DACH2: variants seen among roughly 807,000 people sequenced by gnomAD.
DACH2 encodes the protein dachshund family transcription factor 2, also known as dachshund homolog 2.
A neutral mutation model predicts 35.8 loss-of-function variants in DACH2; 17 were observed. That is an observed-to-expected ratio of 0.48 (90% CI 0.33 to 0.71). The LOEUF (loss-of-function observed/expected upper bound fraction) is 0.71, where lower values mean the gene tolerates loss of function less well. Among genes scored for constraint, DACH2 ranks in the 30% least tolerant of loss-of-function variants. The probability of loss-of-function intolerance (pLI) is 0.02; values close to 1 mark genes in which losing one functional copy is unlikely to be tolerated. For synonymous variants in DACH2, 195 were observed against 177.3 expected (o/e 1.10, Z -0.79); for missense variants, 469 against 472.7 (o/e 0.99, Z 0.07).
intron 1 of DACH2, among the ~76,000 whole-genome samples, chrX:86,196,217 C>A (rs976570325): frequency 5.4e-5 from 6 of 111,295 alleles, no homozygotes; most frequent in Admixed American, 1.9e-4. Flanking sequence ...AGCTGACAGA[C>A]AAAATAGGCA....
At chrX:86,419,684 AG>A (rs2036769095) in intron 2 of DACH2, among the ~76,000 whole-genome samples, 1 of 111,998 alleles carries the variant, frequency 8.9e-6, no homozygotes, top group Admixed American at 9.5e-5. Flanking sequence ...TTTGTGATGT[AG>A]AATGTGAATT....
intron 1 of DACH2, among the ~76,000 whole-genome samples, chrX:86,230,195 C>T (rs183566838): frequency 2.3e-4 from 26 of 110,716 alleles, no homozygotes; most frequent in African/African-American, 8.5e-4. Flanking sequence ...TTGTCGAATG[C>T]TTTTTCTGCA....
chrX:86,632,499 C>CAT (rs2040213543), intron 3 of DACH2, among the ~76,000 whole-genome samples: 1 of 91,179 alleles, frequency 1.1e-5, no homozygotes, highest in Non-Finnish European at 2.3e-5. Context: ...CACATGCACA[C>CAT]ACACACACAC....
At chrX:86,415,739 C>A (rs1343646606) in intron 2 of DACH2, among the ~76,000 whole-genome samples, 8 of 112,048 alleles carry the variant, frequency 7.1e-5, no homozygotes, top group Non-Finnish European at 1.9e-5. Flanking sequence ...GGAGAAAATA[C>A]ATGGCTCTCA....
chrX:86,532,379 G>C (rs1400376385), intron 3 of DACH2, among the ~76,000 whole-genome samples: 4 of 111,349 alleles, frequency 3.6e-5, no homozygotes, highest in Non-Finnish European at 7.5e-5. Context: ...TGTCAGAGAA[G>C]GGGCCTGGTG....
intron 3 of DACH2, among the ~76,000 whole-genome samples, chrX:86,617,930 A>G (rs1475237722): frequency 8.9e-6 from 1 of 112,379 alleles, no homozygotes; most frequent in Non-Finnish European, 1.9e-5. Flanking sequence ...TGAGATAGCA[A>G]CTTTTAGTTC....
At chrX:86,596,107 G>A (rs2039708166) in intron 3 of DACH2, among the ~76,000 whole-genome samples, 1 of 111,630 alleles carries the variant, frequency 9.0e-6, no homozygotes, top group Non-Finnish European at 1.9e-5. Context: ...TCTTTTCTAT[G>A]GCTGAATAAT....
intron 1 of DACH2, among the ~76,000 whole-genome samples, chrX:86,307,684 G>T (rs1008221548): frequency 9.0e-6 from 1 of 111,262 alleles, no homozygotes; most frequent in African/African-American, 3.3e-5. Context: ...CAACACCTCT[G>T]TTTGCTTCTA....
At chrX:86,181,053 A>G (rs1385857257) in intron 1 of DACH2, among the ~76,000 whole-genome samples, 1 of 110,607 alleles carries the variant, frequency 9.0e-6, no homozygotes, top group African/African-American at 3.3e-5. Context: ...TAACATGATT[A>G]TTACATTTCC....
chrX:86,149,104 GCCA>G lies in DACH2; in HGVS notation c.485_487del (p.Ala162_Arg163delinsGly). ...AACTTTGTTCACCGATTGCACCAAT[GCCA>G]GGTGAGACACTCGTTTCTTGGCTCT... On this transcript the variant is annotated inframe_deletion and splice_region_variant, in exon 1 of 12. Transcript: ENST00000373125. The G allele has an allele frequency of 3.4e-6, 4 of 1,176,468 alleles. No homozygotes were observed. The highest frequency in any genetic ancestry group is 4.6e-6 in the Non-Finnish European group (4 of 876,260).
At chrX:86,554,650 C>T (rs762003929) in intron 3 of DACH2, among the ~76,000 whole-genome samples, 2 of 111,451 alleles carry the variant, frequency 1.8e-5, no homozygotes, top group East Asian at 5.7e-4. Context: ...AATATGATGC[C>T]ATAGAATGAG....
intron 1 of DACH2, among the ~76,000 whole-genome samples, chrX:86,155,964 A>T (rs897977508): frequency 9.0e-6 from 1 of 111,147 alleles, no homozygotes; most frequent in Non-Finnish European, 1.9e-5. Context: ...TCAATAAATT[A>T]TGGAAAATAG....
chrX:86,739,617 A>T, intron 6 of DACH2, 130 bp from the exon 7 acceptor site: 1 of 708,264 alleles, frequency 1.4e-6, no homozygotes, highest in Non-Finnish European at 2.0e-6. Flanking sequence ...ATATGTATTT[A>T]AGACCAATTA....
At chrX:86,697,470 G>GA (rs748588940) in intron 5 of DACH2, among the ~76,000 whole-genome samples, 3 of 109,900 alleles carry the variant, frequency 2.7e-5, no homozygotes, top group East Asian at 2.9e-4. Context: ...GGCTTTAAAC[G>GA]AAAAAAAATG....
Position 86,370,887 on chromosome X carries a change from C to T in DACH2, c.489-5937C>T, listed in dbSNP as rs148004528. On this transcript the variant is annotated intron_variant, in intron 1 of 11. Transcript: ENST00000373125. ...TTAATGGGCATCATGCTTGATGGTACATATATTCATATATCACACATGTTG... is the reference window on the plus strand; with the variant it reads ...TTAATGGGCATCATGCTTGATGGTATATATATTCATATATCACACATGTTG... 2.4e-3 allele frequency among the ~76,000 whole-genome samples: 265 copies of T among 111,131 alleles called. 1 individual carries two copies. Among genetic ancestry groups the T allele is most frequent in the Non-Finnish European group, 4.2e-3 (223 of 52,853 alleles).
In DACH2 at chrX:86,404,822, C is replaced by A. The variant is rs139555470; in HGVS notation, c.527+27960C>A. ...GGTCTCCATGAGGGTTCCATCCCTG[C>A]GTAGACTTCTGCCTGGATATCCAGG... On this transcript the variant is annotated intron_variant, in intron 2 of 11. Transcript: ENST00000373125. Among the ~76,000 whole-genome samples the A allele has an allele frequency of 2.0e-4, 22 of 112,312 alleles. No homozygotes were observed. In the East Asian group the frequency reaches 6.2e-3, roughly 32 times the overall value.
At chrX:86,795,016 G>A (rs985251156) in intron 7 of DACH2, among the ~76,000 whole-genome samples, 1 of 110,898 alleles carries the variant, frequency 9.0e-6, no homozygotes, top group Non-Finnish European at 1.9e-5. Flanking sequence ...CATTAGCCAA[G>A]AAGAGGAAGT....
intron 3 of DACH2, among the ~76,000 whole-genome samples, chrX:86,590,112 C>A (rs2039624313): frequency 9.0e-6 from 1 of 111,648 alleles, no homozygotes; most frequent in Non-Finnish European, 1.9e-5. Flanking sequence ...ACTCAGACCT[C>A]TGAGGAGGGA....
intron 2 of DACH2, among the ~76,000 whole-genome samples, chrX:86,421,706 T>C (rs1190316680): frequency 3.6e-5 from 4 of 111,643 alleles, no homozygotes; most frequent in Non-Finnish European, 7.6e-5. Context: ...TATGAATATA[T>C]TGGTATTGGT....
Sources: allele counts gnomAD v4.1 joint callset (sites outside exome capture counted in the v4.1 genomes callset), GRCh38; gene constraint gnomAD v4.1.1; transcripts MANE v1.5; gene names NCBI Gene and HGNC (gene_info 2026-07-23, HGNC 2026-07-21).